The following MAML3 variants were observed in gnomAD, a reference collection of about 807,000 sequenced individuals.
MAML3 encodes the protein mastermind like transcriptional coactivator 3.
MAML3 carries 27 observed loss-of-function variants against 101.9 expected under a neutral mutation model. The observed-to-expected ratio is 0.27, with a 90% CI of 0.20 to 0.37. MAML3 has a LOEUF of 0.37. Ranked by LOEUF, MAML3 falls within the 10% of genes least tolerant of loss-of-function variation. The pLI, the probability that MAML3 is intolerant of heterozygous loss-of-function variation, is 1.00. For missense variants in MAML3, 1,316 were observed against 1,444.9 expected, an observed-to-expected ratio of 0.91 and a Z score of 1.45; for synonymous variants, 501 against 555.9, an observed-to-expected ratio of 0.90 and a Z score of 1.39.
intron 2 of MAML3, among the ~76,000 whole-genome samples, chr4:139,773,431 A>C (rs1265490763): frequency 6.6e-6 from 1 of 152,222 alleles, no homozygotes; most frequent in Non-Finnish European, 1.5e-5. Flanking sequence ...TACAATTTTC[A>C]AGAGGATAAA....
At chr4:140,012,850 C>G (rs961422364) in intron 1 of MAML3, among the ~76,000 whole-genome samples, 1 of 152,128 alleles carries the variant, frequency 6.6e-6, no homozygotes, top group African/African-American at 2.4e-5. Flanking sequence ...AATACAGCGC[C>G]GGTTAACTCA....
At chr4:139,832,375 G>A (rs536755017) in intron 2 of MAML3, among the ~76,000 whole-genome samples, 29 of 151,834 alleles carry the variant, frequency 1.9e-4, no homozygotes, top group Admixed American at 5.9e-4. Flanking sequence ...GCCTCCCAAA[G>A]TGCTGGAATT....
At chr4:139,947,831 G>C (rs1309146081) in intron 1 of MAML3, among the ~76,000 whole-genome samples, 1 of 152,138 alleles carries the variant, frequency 6.6e-6, no homozygotes, top group Non-Finnish European at 1.5e-5. Context: ...GCTGGGCATG[G>C]TGACTCACTC....
chr4:139,745,528 A>G (rs1188110620), intron 2 of MAML3, among the ~76,000 whole-genome samples: 2 of 152,138 alleles, frequency 1.3e-5, no homozygotes, highest in Non-Finnish European at 2.9e-5. Context: ...CCTGCCAGGC[A>G]TATTCCTGCA....
intron 1 of MAML3, among the ~76,000 whole-genome samples, chr4:140,151,585 G>A (rs1729168502): frequency 6.6e-6 from 1 of 151,768 alleles, no homozygotes; most frequent in Admixed American, 6.5e-5. Flanking sequence ...GCTCTGCGCC[G>A]CCGATCGCTG....
intron 2 of MAML3, among the ~76,000 whole-genome samples, chr4:139,859,007 T>C (rs918595454): frequency 6.6e-6 from 1 of 152,138 alleles, no homozygotes; most frequent in Non-Finnish European, 1.5e-5. Context: ...GGTATATCCC[T>C]CACCTCTGAG....
intron 1 of MAML3, among the ~76,000 whole-genome samples, chr4:139,977,570 T>C (rs1248924313): frequency 6.6e-6 from 1 of 152,098 alleles, no homozygotes; most frequent in Non-Finnish European, 1.5e-5. Flanking sequence ...AGTCTCCAGA[T>C]AAGAATTAAA....
Position 139,719,404 on chromosome 4 carries a change from T to G in MAML3, c.3336A>C (p.Ala1112=). ...GGSFPGLPDG[A]DLVDSIIKGG... ...CTTTGATGATGGAGTCCACAAGGTC[T>G]GCACCGTCCGGGAGGCCAGGGAAGG... Residue 1112 remains alanine, a synonymous_variant, in exon 5 of 5, where the codon GCA becomes GCC. Coordinates refer to ENST00000509479, the MANE Select transcript of MAML3 (RefSeq NM_018717.5). 3 of 1,614,034 alleles carry G rather than the reference T, an allele frequency of 1.9e-6. No individual in the cohort carries two copies. Among genetic ancestry groups the G allele is most frequent in the Non-Finnish European group, 2.5e-6 (3 of 1,179,890 alleles).
intron 1 of MAML3, among the ~76,000 whole-genome samples, chr4:140,099,294 T>A (rs560508257): frequency 6.6e-6 from 1 of 152,190 alleles, no homozygotes; most frequent in East Asian, 1.9e-4. Flanking sequence ...AAAACTTTTT[T>A]AAAAGCCTTA....
chr4:139,870,553 T>A (rs1266405993), intron 2 of MAML3, among the ~76,000 whole-genome samples: 3 of 152,230 alleles, frequency 2.0e-5, no homozygotes, highest in Non-Finnish European at 4.4e-5. Flanking sequence ...TAGCAATAAA[T>A]CCCATAACTA....
At chr4:140,140,094 C>T (rs954634078) in intron 1 of MAML3, among the ~76,000 whole-genome samples, 30 of 152,060 alleles carry the variant, frequency 2.0e-4, no homozygotes, top group African/African-American at 6.8e-4. Flanking sequence ...GAGGTCAAGG[C>T]GGGTGGATCA....
intron 1 of MAML3, among the ~76,000 whole-genome samples, chr4:140,034,532 TC>T (rs1344424101): frequency 6.6e-6 from 1 of 152,116 alleles, no homozygotes; most frequent in East Asian, 1.9e-4. Flanking sequence ...GAGGAGCACC[TC>T]AACTCCCAAA....
chr4:139,787,876 C>T (rs1293147509), intron 2 of MAML3, among the ~76,000 whole-genome samples: 1 of 152,230 alleles, frequency 6.6e-6, no homozygotes, highest in African/African-American at 2.4e-5. Flanking sequence ...TGAAGTGTCT[C>T]ATAGCAATCC....
At chr4:139,738,385 A>T (rs1729028249) in intron 2 of MAML3, among the ~76,000 whole-genome samples, 1 of 152,146 alleles carries the variant, frequency 6.6e-6, no homozygotes, top group African/African-American at 2.4e-5. Context: ...CTCTACTAAA[A>T]TACAAAAATT....
At chr4:139,863,112 T>G (rs1460912112) in intron 2 of MAML3, among the ~76,000 whole-genome samples, 1 of 137,992 alleles carries the variant, frequency 7.2e-6, no homozygotes, top group African/African-American at 2.7e-5. Context: ...GTTGCGCCAC[T>G]GCACTCCAGC....
intron 1 of MAML3, among the ~76,000 whole-genome samples, chr4:140,032,044 A>G (rs564076800): frequency 6.6e-6 from 1 of 152,330 alleles, no homozygotes; most frequent in South Asian, 2.1e-4. Flanking sequence ...AATTTTTCCA[A>G]AGAAAATATG....
chr4:139,902,542 C>T (rs17050992), intron 1 of MAML3, among the ~76,000 whole-genome samples: 13,417 of 152,160 alleles, frequency 0.088, 1,076 homozygotes, highest in African/African-American at 0.2. Context: ...GAAGAAGATA[C>T]CCACAGACAG....
intron 2 of MAML3, among the ~76,000 whole-genome samples, chr4:139,805,005 C>A (rs532474908): frequency 6.6e-6 from 1 of 152,238 alleles, no homozygotes; most frequent in East Asian, 1.9e-4. Context: ...ATGGCGAAAA[C>A]CCATCTCTAC....
intron 1 of MAML3, among the ~76,000 whole-genome samples, chr4:140,024,657 C>G (rs973509565): frequency 1.3e-5 from 2 of 152,002 alleles, no homozygotes; most frequent in Non-Finnish European, 2.9e-5. Flanking sequence ...GAACCACCAC[C>G]AAAAAATATA....
Sources: gnomAD v4.1 joint callset for allele counts (sites outside exome capture counted in the v4.1 genomes callset) on GRCh38, gnomAD v4.1.1 for gene constraint, MANE v1.5 for transcripts, NCBI Gene and HGNC (gene_info 2026-07-23, HGNC 2026-07-21) for gene names.